The following CSMD2 variants were observed in gnomAD, a reference collection of about 807,000 sequenced individuals.
CSMD2 encodes CUB and sushi domain-containing protein 2.
CSMD2 carries 130 observed loss-of-function variants against 398.5 expected under a neutral mutation model. The ratio of observed to expected loss-of-function variants is 0.33; its 90% confidence interval spans 0.28 to 0.38. The LOEUF (loss-of-function observed/expected upper bound fraction) is 0.38. CSMD2 is among the 10% of genes least tolerant of loss of function. CSMD2 has a pLI of 1.00. For missense variants in CSMD2, 3,829 were observed against 4,764.9 expected (o/e 0.80, Z 5.78); for synonymous variants, 1,828 against 1,908.5 (o/e 0.96, Z 1.10).
At chr1:34,039,941 T>A (rs1550165) in intron 2 of CSMD2, among the ~76,000 whole-genome samples, 67,717 of 151,806 alleles carry the variant, frequency 0.45, 16,848 homozygotes, top group Non-Finnish European at 0.57. Context: ...TCACTTGAGC[T>A]CAGGAGTTCA....
intron 1 of CSMD2, among the ~76,000 whole-genome samples, chr1:34,132,006 C>T (rs1663398547): frequency 6.6e-6 from 1 of 152,118 alleles, no homozygotes; most frequent in South Asian, 2.1e-4. Context: ...GCCACAAATT[C>T]CCCCAAGTAT....
intron 3 of CSMD2, among the ~76,000 whole-genome samples, chr1:34,002,141 A>G (rs936017860): frequency 9.2e-5 from 14 of 152,194 alleles, no homozygotes; most frequent in Non-Finnish European, 8.8e-5. Context: ...TCTTTCCAGC[A>G]TTAGCATTAG....
chr1:34,060,462 G>A (rs1249505469), intron 2 of CSMD2, among the ~76,000 whole-genome samples: 4 of 152,068 alleles, frequency 2.6e-5, no homozygotes, highest in East Asian at 1.9e-4. Flanking sequence ...ACCGGGAGGC[G>A]GAGGATGCAG....
In CSMD2 at chr1:33,537,363, A is replaced by T; in HGVS notation, c.9805+73T>A. The T allele has an allele frequency of 7.4e-7, 1 of 1,350,962 alleles. No homozygotes were observed. The highest frequency in any genetic ancestry group is 1.0e-6 in the Non-Finnish European group (1 of 971,256). 83.7% of individuals were successfully genotyped at this position (1,350,962 alleles called of 1,614,324 possible). On this transcript the variant is annotated intron_variant, in intron 61 of 70. Coordinates refer to ENST00000373381, the MANE Select transcript of CSMD2 (RefSeq NM_001281956.2). This position sits in a 1 kb window ranked among gnomAD's most constrained non-coding sequence, Gnocchi z 4.6. ...ACCACTGAAGACAGGGAAGGAAAGT[A>T]ATCATCTCAGGCCCAAAAGAAGGTC...
intron 5 of CSMD2, among the ~76,000 whole-genome samples, chr1:33,887,510 TTCCTC>T (rs1398876256): frequency 6.6e-6 from 1 of 152,204 alleles, no homozygotes; most frequent in Non-Finnish European, 1.5e-5. Context: ...TTAGAGAACT[TTCCTC>T]TCCAACCTCT....
At chr1:33,772,806 T>G (rs1234799355) in intron 12 of CSMD2, 55 bp from the exon 13 acceptor site, 6 of 1,494,960 alleles carry the variant, frequency 4.0e-6, no homozygotes, top group South Asian at 1.2e-5. Context: ...ATACCTCTTT[T>G]GGAGCTGAAG....
rs2641957 is a variant in CSMD2, at chr1:33,515,418, A to T, written c.*1206T>A. The T allele has an allele frequency of 0.62, 94,340 of 152,114 alleles. 30,355 individuals carry two copies. The highest frequency in any genetic ancestry group is 0.77 in the African/African-American group (32,111 of 41,464). The allele number at this position is 152,114 out of a possible 1,614,324, so 9.4% of individuals were successfully genotyped here. A position where few individuals can be genotyped will look rare whatever the true frequency, so the allele number is the denominator to read the frequency against. On this transcript the variant is annotated 3_prime_UTR_variant, in exon 71 of 71. Coordinates refer to ENST00000373381, the MANE Select transcript of CSMD2 (RefSeq NM_001281956.2). ...ACCTGGCCACAGTGCTACTGTAGAGATTCATCGGCTCCTCCCTTCTTAGCT... is the reference window on the plus strand; with the variant it reads ...ACCTGGCCACAGTGCTACTGTAGAGTTTCATCGGCTCCTCCCTTCTTAGCT...
intron 13 of CSMD2, among the ~76,000 whole-genome samples, chr1:33,746,205 G>A (rs1306250509): frequency 6.6e-6 from 1 of 152,174 alleles, no homozygotes; most frequent in African/African-American, 2.4e-5. Flanking sequence ...GGACATGGAT[G>A]CCCCCACACA....
intron 5 of CSMD2, among the ~76,000 whole-genome samples, chr1:33,876,700 A>G (rs537613420): frequency 6.6e-5 from 10 of 152,144 alleles, no homozygotes; most frequent in African/African-American, 2.4e-4. Context: ...CCCACACTCT[A>G]CCATGTGTCA....
At chr1:33,632,934 G>T (rs1053895024) in intron 32 of CSMD2, among the ~76,000 whole-genome samples, 7 of 152,108 alleles carry the variant, frequency 4.6e-5, no homozygotes, top group Non-Finnish European at 1.0e-4. Context: ...AAATGACAGA[G>T]AAAAGCTCGT....
intron 3 of CSMD2, among the ~76,000 whole-genome samples, chr1:33,964,654 G>A (rs1645494314): frequency 6.6e-6 from 1 of 152,122 alleles, no homozygotes; most frequent in Non-Finnish European, 1.5e-5. Flanking sequence ...CTCTCCTTCT[G>A]ATCTGTCCAG....
intron 3 of CSMD2, among the ~76,000 whole-genome samples, chr1:34,032,063 T>C (rs983046630): frequency 3.3e-5 from 5 of 152,106 alleles, no homozygotes; most frequent in Admixed American, 3.3e-4. Context: ...TAACACCATA[T>C]TTAAACAGAC....
chr1:33,662,800 C>A, intron 26 of CSMD2, 90 bp downstream of exon 26: 1 of 1,147,650 alleles, frequency 8.7e-7, no homozygotes. Flanking sequence ...TTTACATGGA[C>A]TGAGGGATGA....
At chr1:34,017,049 T>C (rs958701924) in intron 3 of CSMD2, among the ~76,000 whole-genome samples, 8 of 152,214 alleles carry the variant, frequency 5.3e-5, no homozygotes, top group African/African-American at 1.2e-4. Context: ...TTACAGTCAA[T>C]AGAATGTCAA....
intron 48 of CSMD2, among the ~76,000 whole-genome samples, chr1:33,580,543 T>C (rs1638620652): frequency 6.6e-6 from 1 of 152,190 alleles, no homozygotes; most frequent in African/African-American, 2.4e-5. Context: ...GTTAAACTTA[T>C]CCTGAAGACA....
At chr1:34,060,352 A>G (rs1654335069) in intron 2 of CSMD2, among the ~76,000 whole-genome samples, 1 of 152,198 alleles carries the variant, frequency 6.6e-6, no homozygotes, top group South Asian at 2.1e-4. Flanking sequence ...CTGACTTTTA[A>G]AAATTCTTCT....
chr1:33,695,496 G>T (rs993604916), intron 24 of CSMD2, among the ~76,000 whole-genome samples: 6 of 152,112 alleles, frequency 3.9e-5, no homozygotes, highest in African/African-American at 9.7e-5. Flanking sequence ...GAAGCTGGGG[G>T]TTCCTGCTGG....
chr1:34,165,054 G>A lies in CSMD2; in HGVS notation c.44C>T (p.Pro15Leu), dbSNP rs1641754058. The change falls in exon 1 of 71, where the codon CCC becomes CTC. Residue 15 changes from proline to leucine, a missense_variant. Transcript: ENST00000373381. ...RGRELGRCGC[P>L]AGRARGETGI... ...GGTTTCGCCGCGAGCCCTCCCCGCG[G>A]GGCAGCCGCAGCGCCCCAGCTCCCG... The A allele has an allele frequency of 8.2e-7, 1 of 1,215,680 alleles. No individual in the cohort carries two copies. Among genetic ancestry groups the A allele is most frequent in the Non-Finnish European group, 1.0e-6 (1 of 977,560 alleles). 75.3% of individuals were successfully genotyped at this position (1,215,680 alleles called of 1,614,324 possible).
At chr1:33,737,253 G>A (rs1646914777) in intron 15 of CSMD2, among the ~76,000 whole-genome samples, 2 of 152,192 alleles carry the variant, frequency 1.3e-5, no homozygotes. Context: ...TTGCACTGAG[G>A]AAGAATGGCA....
Sources: allele counts gnomAD v4.1 joint callset (sites outside exome capture counted in the v4.1 genomes callset), GRCh38; gene constraint gnomAD v4.1.1; non-coding constraint Gnocchi (gnomAD v3.1); transcripts MANE v1.5; gene names NCBI Gene and HGNC (gene_info 2026-07-23, HGNC 2026-07-21).